The following ASB5 variants were observed in gnomAD, a reference collection of about 807,000 sequenced individuals.
ASB5 encodes the protein ankyrin repeat and SOCS box protein 5.
A neutral mutation model predicts 42.1 loss-of-function variants in ASB5; 45 were observed. That is an observed-to-expected ratio of 1.07 (90% CI 0.84 to 1.37). The LOEUF is 1.37. Among genes scored for constraint, ASB5 ranks in the 40% most tolerant of loss-of-function variants. ASB5 has a pLI of 0.00. For synonymous variants in ASB5, 147 were observed against 150.6 expected (o/e 0.98, Z 0.18); for missense variants, 402 against 399.8 (o/e 1.01, Z -0.05).
chr4:176,220,980 T>C (rs577283630), intron 5 of ASB5, among the ~76,000 whole-genome samples, 175 bp downstream of exon 5: 5 of 152,342 alleles, frequency 3.3e-5, no homozygotes, highest in Admixed American at 3.3e-4. Flanking sequence ...AGGTTCTTTT[T>C]TATTGCTTAT....
chr4:176,228,148 G>A (rs1431581859), intron 1 of ASB5, among the ~76,000 whole-genome samples: 3 of 152,154 alleles, frequency 2.0e-5, no homozygotes, highest in Non-Finnish European at 2.9e-5. Context: ...AAAATTAAAA[G>A]TACTTTTCTC....
chr4:176,245,815 G>A (rs930176006), intron 1 of ASB5, among the ~76,000 whole-genome samples: 16 of 151,996 alleles, frequency 1.1e-4, no homozygotes, highest in Non-Finnish European at 2.2e-4. Flanking sequence ...ACCAAACACC[G>A]CATATTCTTA....
At chr4:176,277,293 A>G (rs1754578657) in exon 1 of ASB5, 1 of 152,138 alleles carries the variant, frequency 6.6e-6, no homozygotes, top group African/African-American at 2.4e-5. Context: ...CTTCATTCAC[A>G]CACATCTCTT....
At chr4:176,233,637 T>G (rs1753609573) in intron 1 of ASB5, among the ~76,000 whole-genome samples, 1 of 152,192 alleles carries the variant, frequency 6.6e-6, no homozygotes, top group Non-Finnish European at 1.5e-5. Flanking sequence ...CAGTTGTTTT[T>G]GGCCCAGTGT....
chr4:176,218,694 TAA>T (rs1333361196), intron 5 of ASB5, among the ~76,000 whole-genome samples: 2,815 of 25,384 alleles, frequency 0.11, 905 homozygotes, highest in East Asian at 0.17. Context: ...GTATGATATA[TAA>T]ATATATATAT....
intron 1 of ASB5, among the ~76,000 whole-genome samples, chr4:176,262,348 A>G (rs973913610): frequency 1.3e-4 from 20 of 152,226 alleles, no homozygotes; most frequent in African/African-American, 4.6e-4. Context: ...CTCTGAGCCT[A>G]AGATAAAGCT....
chr4:176,251,824 G>T (rs1405729046), intron 1 of ASB5, among the ~76,000 whole-genome samples: 3 of 151,426 alleles, frequency 2.0e-5, no homozygotes, highest in Admixed American at 6.6e-5. Context: ...CCCAGCATTA[G>T]GCGGAGGCGG....
chr4:176,250,020 A>G (rs182032476), intron 1 of ASB5, among the ~76,000 whole-genome samples: 4,201 of 150,442 alleles, frequency 0.028, 234 homozygotes, highest in East Asian at 0.27. Flanking sequence ...AGCCGAGATC[A>G]CACCACTGCA....
At chr4:176,234,895 C>T (rs1334420526) in intron 1 of ASB5, among the ~76,000 whole-genome samples, 1 of 152,146 alleles carries the variant, frequency 6.6e-6, no homozygotes, top group Non-Finnish European at 1.5e-5. Context: ...TGAGAAGTGT[C>T]TAACACAAAG....
At chr4:176,254,659 A>T (rs556693876) in intron 1 of ASB5, among the ~76,000 whole-genome samples, 2 of 152,210 alleles carry the variant, frequency 1.3e-5, no homozygotes, top group East Asian at 3.9e-4. Context: ...GCATCTAACA[A>T]AAAGGTCTAA....
At position 176,227,292 on chromosome 4, in the gene ASB5, A is replaced by T. The variant is rs142640826; in HGVS notation, c.197-1951T>A. ...ACACACATAGTAAACACCATTCAACATTACCTGCTATTACCATTACTTGTA... is the reference window on the plus strand; with the variant it reads ...ACACACATAGTAAACACCATTCAACTTTACCTGCTATTACCATTACTTGTA... On this transcript the variant is annotated intron_variant, in intron 1 of 6. Transcript: ENST00000296525. Among the ~76,000 whole-genome samples, 481 of 152,292 alleles carry T rather than the reference A, an allele frequency of 3.2e-3. 2 individuals are homozygous for T. Among genetic ancestry groups the T allele is most frequent in the African/African-American group, 0.011 (461 of 41,572 alleles).
intron 1 of ASB5, among the ~76,000 whole-genome samples, chr4:176,258,391 CT>C (rs1754196606): frequency 6.6e-6 from 1 of 152,252 alleles, no homozygotes; most frequent in East Asian, 1.9e-4. Context: ...TCCATATTCT[CT>C]TTTTTTAAGG....
intron 1 of ASB5, among the ~76,000 whole-genome samples, chr4:176,264,389 T>C (rs1754319107): frequency 6.6e-6 from 1 of 151,182 alleles, no homozygotes; most frequent in South Asian, 2.1e-4. Context: ...ATATATTAAT[T>C]TGCAATAAGA....
chr4:176,214,785 T>A lies in ASB5; in HGVS notation c.*815A>T, dbSNP rs1241016094. The A allele has an allele frequency of 6.6e-6, 1 of 152,098 alleles. No individual in the cohort carries two copies. The allele number at this position is 152,098 out of a possible 1,614,324, so 9.4% of individuals were successfully genotyped here. A position where few individuals can be genotyped will look rare whatever the true frequency, so the allele number is the denominator to read the frequency against. The stretch of plus-strand genomic sequence containing the variant: ...TATAGTTCATTTTCTTAAGTCCAAG[T>A]ATCACTAGCTATTGACAATTTCTGA... On this transcript the variant is annotated 3_prime_UTR_variant, in exon 7 of 7. Transcript: ENST00000296525.
chr4:176,237,357 G>A (rs1012672414), intron 1 of ASB5: 6 of 985,712 alleles, frequency 6.1e-6, no homozygotes. Flanking sequence ...ATACTCACTA[G>A]CCTTCTTTTC....
intron 1 of ASB5, among the ~76,000 whole-genome samples, chr4:176,231,936 A>G (rs1753557837): frequency 6.6e-6 from 1 of 152,094 alleles, no homozygotes; most frequent in South Asian, 2.1e-4. Context: ...GACTCAATAG[A>G]GAGCTAGCTT....
chr4:176,249,916 T>C (rs2877939), intron 1 of ASB5, among the ~76,000 whole-genome samples: 99,343 of 150,718 alleles, frequency 0.66, 32,978 homozygotes, highest in Middle Eastern at 0.71. Flanking sequence ...ACACAAAAAA[T>C]TAGCCGGGCG....
intron 1 of ASB5, among the ~76,000 whole-genome samples, chr4:176,226,131 G>A (rs916202307): frequency 1.3e-5 from 2 of 152,204 alleles, no homozygotes; most frequent in Non-Finnish European, 2.9e-5. Context: ...GTGTGTCTGT[G>A]AGGGTGTTTC....
In ASB5 at chr4:176,221,238, T is replaced by G; in HGVS notation, c.587A>C (p.Gln196Pro). ...ILISWGIDVD[Q>P]EIPHLGTPLY... is the part of the protein sequence containing the mutation. ...AGGAGTTCCCAAATGAGGAATTTCTTGGTCAACATCTATGCCCCAGGATAT... is the reference window on the plus strand; with the variant it reads ...AGGAGTTCCCAAATGAGGAATTTCTGGGTCAACATCTATGCCCCAGGATAT... The change falls in exon 5 of 7, where the codon CAA becomes CCA. Residue 196 changes from glutamine (Q) to proline (P), a missense_variant. Gln to Pro is a moderately conservative substitution (Grantham distance 76). Transcript: ENST00000296525. 6.2e-7 allele frequency: 1 copy of G among 1,614,140 alleles called. No individual in the cohort carries two copies. The highest frequency in any genetic ancestry group is 8.5e-7 in the Non-Finnish European group (1 of 1,180,004).
Sources: gnomAD v4.1 joint callset for allele counts (sites outside exome capture counted in the v4.1 genomes callset) on GRCh38, gnomAD v4.1.1 for gene constraint, MANE v1.5 for transcripts, NCBI Gene and HGNC (gene_info 2026-07-23, HGNC 2026-07-21) for gene names.